Variants in AP2A1 observed in about 807,000 individuals in gnomAD.
AP2A1 encodes AP-2 complex subunit alpha-1.
In AP2A1, 21 loss-of-function variants were observed where a neutral mutation model predicts 107.3. That is an observed-to-expected ratio of 0.20 (90% CI 0.14 to 0.28). The LOEUF is 0.28. AP2A1 is among the 10% of genes least tolerant of loss of function. The pLI is 1.00. For missense variants in AP2A1, 873 were observed against 1,307.7 expected, an observed-to-expected ratio of 0.67 and a Z score of 5.13; for synonymous variants, 602 against 564.8, an observed-to-expected ratio of 1.07 and a Z score of -0.93.
At chr19:49,779,559 A>G (rs1358037425) in intron 1 of AP2A1, among the ~76,000 whole-genome samples, 1 of 151,424 alleles carries the variant, frequency 6.6e-6, no homozygotes, top group Non-Finnish European at 1.5e-5. Context: ...ATAACCCAGT[A>G]CACCCAAATT....
intron 6 of AP2A1, among the ~76,000 whole-genome samples, chr19:49,793,898 CTTTTT>C (rs956804227): frequency 1.3e-5 from 1 of 74,584 alleles, no homozygotes; most frequent in Admixed American, 1.6e-4. Context: ...CTCATTGTTT[CTTTTT>C]TTTTTTTTTT....
At position 49,791,310 on chromosome 19, in the gene AP2A1, G is replaced by A. The variant is rs183588337; in HGVS notation, c.474-625G>A. Among the ~76,000 whole-genome samples, 36 of 152,258 alleles carry A rather than the reference G, an allele frequency of 2.4e-4. No individual in the cohort carries two copies. In the South Asian group the frequency reaches 2.9e-3, roughly 12 times the overall value. ...AGTGGCACAGTCATGGTGCACTGCCGCCTCGACCTCCCAGTCTCGAGCAAT... is the reference window on the plus strand; with the variant it reads ...AGTGGCACAGTCATGGTGCACTGCCACCTCGACCTCCCAGTCTCGAGCAAT... On this transcript the variant is annotated intron_variant, in intron 4 of 22. Coordinates refer to ENST00000354293, the MANE Select transcript of AP2A1 (RefSeq NM_130787.3).
Position 49,799,978 on chromosome 19 carries a change from T to C in AP2A1, c.1283T>C (p.Val428Ala). Residue 428 changes from valine to alanine, a missense_variant, in exon 11 of 23, where the codon GTG becomes GCG. Around this residue, in one of 4 missense-constraint regions of AP2A1, gnomAD observed 213 missense variants for 443.5 expected, o/e 0.48. Coordinates refer to ENST00000354293, the MANE Select transcript of AP2A1 (RefSeq NM_130787.3). ...ACGCCCCGGCGGCAGGTCCTGAAGG[T>C]GGCCATCCTGGCCGAGAAGTACGCC... ...YAIREEIVLK[V>A]AILAEKYAVD... The C allele has an allele frequency of 6.2e-7, 1 of 1,613,518 alleles. No individual in the cohort carries two copies. The highest frequency in any genetic ancestry group is 8.5e-7 in the Non-Finnish European group (1 of 1,179,472).
Position 49,767,098 on chromosome 19 carries a change from T to G in AP2A1, c.-36T>G. 1 of 1,606,182 alleles carries G rather than the reference T, an allele frequency of 6.2e-7. No individual in the cohort carries two copies. The highest frequency in any genetic ancestry group is 8.5e-7 in the Non-Finnish European group (1 of 1,177,968). ...TGCCAGCCCCCGCTGCTCTGTGCCC[T>G]GTCCGGCCAGGCCTGGAGCCGACAC... On this transcript the variant is annotated 5_prime_UTR_variant, in exon 1 of 23. Coordinates refer to ENST00000354293, the MANE Select transcript of AP2A1 (RefSeq NM_130787.3).
rs772042553 is a variant in AP2A1, at chr19:49,800,952, C to T, written c.1456-9C>T. 1.3e-6 allele frequency: 2 copies of T among 1,587,756 alleles called. No individual in the cohort carries two copies. Among genetic ancestry groups the T allele is most frequent in the East Asian group, 4.5e-5 (2 of 44,058 alleles). ...TTGTCCTCTCCACGCCCTTCCCCAC[C>T]CCACTCAGGCGCTCCAGGCCCCTGC... On this transcript the variant is annotated splice_polypyrimidine_tract_variant and intron_variant, in intron 11 of 22. Transcript: ENST00000354293.
intron 10 of AP2A1, 36 bp downstream of exon 10, chr19:49,799,802 C>A: frequency 6.2e-7 from 1 of 1,602,096 alleles, no homozygotes; most frequent in South Asian, 1.1e-5. Flanking sequence ...ACTCTTGGGT[C>A]TGAGGCAGGA....
At chr19:49,781,430 TGG>T (rs1214317558) in intron 1 of AP2A1, among the ~76,000 whole-genome samples, 1 of 152,034 alleles carries the variant, frequency 6.6e-6, no homozygotes, top group Middle Eastern at 3.4e-3. Flanking sequence ...TCATCGCATG[TGG>T]GGAGTGGGGA....
chr19:49,772,260 T>TTTTTTTG (rs1568573064), intron 1 of AP2A1, among the ~76,000 whole-genome samples: 4 of 130,512 alleles, frequency 3.1e-5, no homozygotes, highest in African/African-American at 1.1e-4. Flanking sequence ...TTTTTTTTTT[T>TTTTTTTG]TTTTTTTTTT....
chr19:49,792,660 G>A (rs2073161155), intron 5 of AP2A1, among the ~76,000 whole-genome samples: 1 of 151,568 alleles, frequency 6.6e-6, no homozygotes, highest in South Asian at 2.1e-4. Flanking sequence ...CCCCAACAGC[G>A]CCCATCACCT....
chr19:49,768,521 ATTG>A (rs1454447316), intron 1 of AP2A1, among the ~76,000 whole-genome samples: 1 of 151,982 alleles, frequency 6.6e-6, no homozygotes, highest in African/African-American at 2.4e-5. Context: ...GAACTTGGCT[ATTG>A]TTTTTACTCC....
chr19:49,780,041 A>G (rs913106096), intron 1 of AP2A1, among the ~76,000 whole-genome samples: 120 of 152,278 alleles, frequency 7.9e-4, no homozygotes, highest in African/African-American at 2.7e-3. Flanking sequence ...TCAGTCATTG[A>G]CTCATTTGTT....
intron 7 of AP2A1, among the ~76,000 whole-genome samples, chr19:49,798,178 A>T (rs1413215143): frequency 1.3e-5 from 2 of 152,208 alleles, no homozygotes; most frequent in Non-Finnish European, 2.9e-5. Context: ...AACACGTCAC[A>T]TTCTAGGAAA....
intron 6 of AP2A1, among the ~76,000 whole-genome samples, chr19:49,794,874 G>C (rs1165974274): frequency 6.6e-6 from 1 of 151,824 alleles, no homozygotes; most frequent in African/African-American, 2.4e-5. Flanking sequence ...TGTTGGTCAG[G>C]CTTGTCTTGA....
intron 7 of AP2A1, chr19:49,797,542 T>C (rs1415572119): frequency 6.6e-6 from 1 of 152,114 alleles, no homozygotes; most frequent in Non-Finnish European, 1.5e-5. Flanking sequence ...CTGGCCAACA[T>C]GGCAAAACCC....
At position 49,799,750 on chromosome 19, in the gene AP2A1, C is replaced by A; in HGVS notation, c.1256C>A (p.Ala419Asp). ...CGGTACCTGGAGACGGCAGACTACG[C>A]CATCCGCGAGGAGATCGTGAGTGCT... Reference protein sequence around the residue: ...MLRYLETADYAIREEIVLKVA... With the variant: ...MLRYLETADYDIREEIVLKVA... The change falls in exon 10 of 23, where the codon GCC (alanine) becomes GAC (aspartate). Residue 419 changes from alanine to aspartate, a missense_variant. Physicochemically the swap from Ala to Asp is moderately radical, Grantham distance 126 (BLOSUM62 -2). Transcript: ENST00000354293. 6.2e-7 allele frequency: 1 copy of A among 1,613,406 alleles called. No individual in the cohort carries two copies. Among genetic ancestry groups the A allele is most frequent in the Non-Finnish European group, 8.5e-7 (1 of 1,179,820 alleles).
intron 4 of AP2A1, among the ~76,000 whole-genome samples, chr19:49,783,632 C>G (rs1381375521): frequency 6.6e-6 from 1 of 152,192 alleles, no homozygotes; most frequent in African/African-American, 2.4e-5. Context: ...AGGCCACAAG[C>G]TAAGAGAAGC....
In AP2A1 at chr19:49,788,911, G is replaced by C. The variant is rs775675146; in HGVS notation, c.474-3024G>C. 1.2e-4 allele frequency among the ~76,000 whole-genome samples: 18 copies of C among 152,224 alleles called. No homozygotes were observed. Among genetic ancestry groups the C allele is most frequent in the Non-Finnish European group, 2.4e-4 (16 of 68,032 alleles). ...GGGGCAGCACTGCTGGTCTTGGTCT[G>C]CTGCACACACAGCAGTGGCCTTTCT... On this transcript the variant is annotated intron_variant, in intron 4 of 22. Coordinates refer to ENST00000354293, the MANE Select transcript of AP2A1 (RefSeq NM_130787.3). The surrounding 1 kb of genome is among the most constrained non-coding windows in gnomAD (Gnocchi z 4.5).
At chr19:49,779,741 T>C (rs1213165120) in intron 1 of AP2A1, among the ~76,000 whole-genome samples, 3 of 152,232 alleles carry the variant, frequency 2.0e-5, no homozygotes, top group Non-Finnish European at 4.4e-5. Flanking sequence ...CTGAAATATT[T>C]TACATTTTTT....
chr19:49,798,679 C>A, intron 7 of AP2A1, 123 bp from the exon 8 acceptor site: 1 of 1,313,724 alleles, frequency 7.6e-7, no homozygotes, highest in Non-Finnish European at 1.0e-6. Context: ...GCAGAATTCT[C>A]GAGTGTCAGA....
Sources: gnomAD v4.1 joint callset for allele counts (sites outside exome capture counted in the v4.1 genomes callset) on GRCh38, gnomAD v4.1.1 for gene constraint, gnomAD v4.1.1 regional missense constraint, Gnocchi (gnomAD v3.1) non-coding constraint, MANE v1.5 for transcripts, NCBI Gene and HGNC (gene_info 2026-07-23, HGNC 2026-07-21) for gene names.